The following TSPAN15 variants were observed in gnomAD, a reference collection of about 807,000 sequenced individuals.
TSPAN15 encodes tetraspanin 15.
TSPAN15 carries 20 observed loss-of-function variants against 34.5 expected under a neutral mutation model. That is an observed-to-expected ratio of 0.58 (90% CI 0.41 to 0.84). TSPAN15 has a LOEUF of 0.84. TSPAN15 is among the 40% of genes least tolerant of loss of function. The pLI is 0.00. For missense variants in TSPAN15, 313 were observed against 386.1 expected, an observed-to-expected ratio of 0.81 and a Z score of 1.59; for synonymous variants, 155 against 153.9, an observed-to-expected ratio of 1.01 and a Z score of -0.05.
chr10:69,483,577 C>T, intron 1 of TSPAN15, 114 bp from the exon 2 acceptor site: 7 of 1,206,014 alleles, frequency 5.8e-6, no homozygotes, highest in Non-Finnish European at 6.9e-6. Context: ...CCTTTCTGTG[C>T]TGTAACCTGG....
At chr10:69,508,063 C>T (rs183316321), downstream of TSPAN15, among the ~76,000 whole-genome samples, 1 of 152,190 alleles carries the variant, frequency 6.6e-6, no homozygotes, top group Admixed American at 6.5e-5. Flanking sequence ...CCGGGACTTG[C>T]GTGCGTCAGT....
chr10:69,531,943 A>AAC, the TSPAN15 span, among the ~76,000 whole-genome samples: 22 of 127,384 alleles, frequency 1.7e-4, no homozygotes, highest in East Asian at 1.9e-3. Flanking sequence ...AACAAAACAA[A>AAC]AAAAAAACAA....
intron 3 of TSPAN15, among the ~76,000 whole-genome samples, chr10:69,489,882 C>T (rs773876236): frequency 8.5e-5 from 13 of 152,238 alleles, no homozygotes; most frequent in Non-Finnish European, 8.8e-5. Flanking sequence ...GTGACTTCCC[C>T]AGTTGTGTGG....
the TSPAN15 span, among the ~76,000 whole-genome samples, chr10:69,526,588 A>G: frequency 6.8e-6 from 1 of 147,818 alleles, no homozygotes; most frequent in Admixed American, 7.0e-5. Context: ...GTGCCCAGGA[A>G]TTCGAGACCA....
chr10:69,484,424 G>A (rs1028853303), intron 2 of TSPAN15, among the ~76,000 whole-genome samples: 3 of 152,224 alleles, frequency 2.0e-5, no homozygotes, highest in African/African-American at 7.2e-5. Context: ...TGCCCATTCT[G>A]GGATGGGGCA....
intron 1 of TSPAN15, among the ~76,000 whole-genome samples, chr10:69,457,214 T>C (rs1841131027): frequency 6.6e-6 from 1 of 152,200 alleles, no homozygotes; most frequent in Admixed American, 6.5e-5. Flanking sequence ...ATCCATATCC[T>C]CCTCTGAATG....
intron 1 of TSPAN15, among the ~76,000 whole-genome samples, chr10:69,458,798 T>C (rs1364269205): frequency 6.6e-6 from 1 of 152,210 alleles, no homozygotes; most frequent in South Asian, 2.1e-4. Context: ...AGAAGTGTCC[T>C]TCGCTCTTAA....
intron 3 of TSPAN15, among the ~76,000 whole-genome samples, chr10:69,486,825 GGTCTTCCT>G (rs1459201692): frequency 6.6e-6 from 1 of 152,220 alleles, no homozygotes; most frequent in Non-Finnish European, 1.5e-5. Flanking sequence ...GGAATCCAGA[GGTCTTCCT>G]GTTTTATGAG....
the TSPAN15 span, among the ~76,000 whole-genome samples, chr10:69,526,369 T>G: frequency 2.0e-5 from 3 of 148,506 alleles, 1 homozygote; most frequent in Non-Finnish European, 4.5e-5. Context: ...AATTAAAAAT[T>G]GGGCAAAGAA....
intron 6 of TSPAN15, 145 bp from the exon 7 acceptor site, chr10:69,505,979 G>A: frequency 1.6e-6 from 1 of 637,176 alleles, no homozygotes; most frequent in Middle Eastern, 3.8e-4. Context: ...AGAATCTAGG[G>A]TCACCTTCTC....
rs1192910917 is a variant in TSPAN15, at chr10:69,506,887, AGCACTCTGTCAC to A, written c.795_806del (p.Glu265_Thr269delinsAsp). 1 of 1,605,918 alleles carries A rather than the reference AGCACTCTGTCAC, an allele frequency of 6.2e-7. No individual in the cohort carries two copies. Among genetic ancestry groups the A allele is most frequent in the African/African-American group, 1.3e-5 (1 of 74,868 alleles). On this transcript the variant is annotated inframe_deletion, in exon 8 of 8. Coordinates refer to ENST00000373290, the MANE Select transcript of TSPAN15 (RefSeq NM_012339.5). This position sits in a 1 kb window ranked among gnomAD's most constrained non-coding sequence, Gnocchi z 4.7. ...ACCCGGGTGGAGGACATCATCATGGAGCACTCTGTCACTGATGGGCTCCTGGGGCCCGGTGCC... is the reference window on the plus strand; with the variant it reads ...ACCCGGGTGGAGGACATCATCATGGATGATGGGCTCCTGGGGCCCGGTGCC...
At chr10:69,453,126 G>C (rs143767506) in intron 1 of TSPAN15, among the ~76,000 whole-genome samples, 3 of 151,804 alleles carry the variant, frequency 2.0e-5, no homozygotes, top group Admixed American at 6.6e-5. Flanking sequence ...TAATGTGGAG[G>C]AGAGATGAAC....
chr10:69,459,894 C>T (rs1287172528), intron 1 of TSPAN15, among the ~76,000 whole-genome samples: 1 of 145,574 alleles, frequency 6.9e-6, no homozygotes, highest in Non-Finnish European at 1.5e-5. Context: ...GGGTCCCCCA[C>T]CCACGGAGGG....
chr10:69,459,410 A>G (rs1210347365), intron 1 of TSPAN15, among the ~76,000 whole-genome samples: 2 of 152,184 alleles, frequency 1.3e-5, no homozygotes, highest in Non-Finnish European at 2.9e-5. Context: ...GGAGAAAATT[A>G]GGGAGCAAGT....
intron 1 of TSPAN15, among the ~76,000 whole-genome samples, chr10:69,454,677 C>T (rs184009948): frequency 2.9e-4 from 44 of 152,102 alleles, no homozygotes; most frequent in African/African-American, 9.9e-4. Flanking sequence ...ATTAGCTGGG[C>T]GTGGTGGCAT....
At chr10:69,537,609 G>C in the TSPAN15 span, among the ~76,000 whole-genome samples, 42 of 152,310 alleles carry the variant, frequency 2.8e-4, no homozygotes, top group African/African-American at 9.9e-4. Context: ...AAGGACAGCA[G>C]TCATCTTGGA....
chr10:69,454,169 C>T (rs1841033088), intron 1 of TSPAN15, among the ~76,000 whole-genome samples: 1 of 152,162 alleles, frequency 6.6e-6, no homozygotes, highest in Admixed American at 6.5e-5. Context: ...GTCTGGAGGG[C>T]CATAAGTTTT....
chr10:69,505,856 T>C (rs1012681858), intron 6 of TSPAN15: 4 of 356,578 alleles, frequency 1.1e-5, no homozygotes, highest in Non-Finnish European at 1.5e-5. Context: ...TGGAGTAGGA[T>C]TACCCTGAGC....
chr10:69,507,116 T>C lies in TSPAN15; in HGVS notation c.*138T>C. On this transcript the variant is annotated 3_prime_UTR_variant, in exon 8 of 8. Transcript: ENST00000373290. ...AAAGCCAGGGCTGTGTGTGCCTGTG[T>C]GTAGGTCCCACGGCCTCTGCCTCCC... 1 of 1,474,556 alleles carries C rather than the reference T, an allele frequency of 6.8e-7. No individual in the cohort carries two copies. The highest frequency in any genetic ancestry group is 2.5e-5 in the East Asian group (1 of 39,792). The allele number at this position is 1,474,556 out of a possible 1,614,324, so 91.3% of individuals were successfully genotyped here.
Sources: allele counts gnomAD v4.1 joint callset (sites outside exome capture counted in the v4.1 genomes callset), GRCh38; gene constraint gnomAD v4.1.1; non-coding constraint Gnocchi (gnomAD v3.1); transcripts MANE v1.5; gene names NCBI Gene and HGNC (gene_info 2026-07-23, HGNC 2026-07-21).